SERPINB7: variants seen among roughly 807,000 people sequenced by gnomAD.
SERPINB7 encodes serpin family B member 7.
Under a neutral mutation model 37.4 loss-of-function variants are expected in SERPINB7, and 31 were observed. The ratio of observed to expected loss-of-function variants is 0.83; its 90% CI spans 0.62 to 1.12. SERPINB7 has a LOEUF of 1.12. Among genes scored for constraint, SERPINB7 ranks in the 50% most tolerant of loss-of-function variants. The probability of loss-of-function intolerance (pLI) is 0.00; values close to 1 mark genes in which losing one functional copy is unlikely to be tolerated. For synonymous variants in SERPINB7, 163 were observed against 166.1 expected, an observed-to-expected ratio of 0.98 and a Z score of 0.14; for missense variants, 521 against 455.3, an observed-to-expected ratio of 1.14 and a Z score of -1.31.
chr18:63,764,486 T>C (rs2049170184), intron 1 of SERPINB7, among the ~76,000 whole-genome samples: 1 of 152,142 alleles, frequency 6.6e-6, no homozygotes, highest in Admixed American at 6.5e-5. Flanking sequence ...CTCACTCATC[T>C]CTCAGGAGGG....
At chr18:63,800,507 A>G (rs541629542) in intron 6 of SERPINB7, among the ~76,000 whole-genome samples, 1 of 152,332 alleles carries the variant, frequency 6.6e-6, no homozygotes, top group Non-Finnish European at 1.5e-5. Flanking sequence ...TACTAAGTAC[A>G]AGGCAATGTT....
chr18:63,782,454 G>A lies in SERPINB7; in HGVS notation c.82G>A (p.Val28Met), dbSNP rs1445330472. The change falls in exon 2 of 8, where the codon GTG (valine) becomes ATG (methionine). Residue 28 changes from valine to methionine, a missense_variant. Physicochemically the swap from Val to Met is conservative, Grantham distance 21. Transcript: ENST00000398019. The stretch of plus-strand genomic sequence containing the variant: ...GGATGACAATCAAGGAAATGGAAAT[G>A]TGTTCTTTTCCTCTCTGAGCCTCTT... ...EMDDNQGNGN[V>M]FFSSLSLFAA... is the part of the protein sequence containing the mutation. 3 of 1,614,194 alleles carry A rather than the reference G, an allele frequency of 1.9e-6. No individual in the cohort carries two copies. The highest frequency in any genetic ancestry group is 2.2e-5 in the East Asian group (1 of 44,890).
rs1293395763 is a variant in SERPINB7 at position 63,805,072 on chromosome 18, A to G, written c.*437A>G. 6.3e-6 allele frequency: 1 copy of G among 158,144 alleles called. No individual in the cohort carries two copies. Among genetic ancestry groups the G allele is most frequent in the African/African-American group, 2.4e-5 (1 of 41,540 alleles). 9.8% of individuals were successfully genotyped at this position (158,144 alleles called of 1,614,324 possible). On this transcript the variant is annotated 3_prime_UTR_variant, in exon 8 of 8. Transcript: ENST00000398019. ...TTCTAGAAATAAGTGTGAAGGATAAATTTTCTTTGTTGACCTATGAAGATT... is the reference window on the plus strand; with the variant it reads ...TTCTAGAAATAAGTGTGAAGGATAAGTTTTCTTTGTTGACCTATGAAGATT...
intron 2 of SERPINB7, among the ~76,000 whole-genome samples, chr18:63,791,415 T>C (rs912561212): frequency 3.3e-5 from 5 of 152,094 alleles, no homozygotes; most frequent in Non-Finnish European, 7.4e-5. Context: ...TGGTGGGAAA[T>C]GTTGATAGGT....
chr18:63,757,986 A>G (rs2049131163), intron 1 of SERPINB7, among the ~76,000 whole-genome samples: 1 of 152,194 alleles, frequency 6.6e-6, no homozygotes, highest in Non-Finnish European at 1.5e-5. Context: ...CTTCCATTTT[A>G]ATAAGCATTT....
intron 1 of SERPINB7, among the ~76,000 whole-genome samples, chr18:63,775,981 C>G (rs1012828870): frequency 6.6e-6 from 1 of 152,038 alleles, no homozygotes; most frequent in Non-Finnish European, 1.5e-5. Flanking sequence ...CTTCCTTGGG[C>G]CATGTCAGTC....
At chr18:63,781,582 A>T (rs1342823870) in intron 1 of SERPINB7, among the ~76,000 whole-genome samples, 3 of 152,210 alleles carry the variant, frequency 2.0e-5, no homozygotes, top group African/African-American at 7.2e-5. Flanking sequence ...TGCAAAAAAA[A>T]TTACCCAAGT....
chr18:63,784,605 T>A (rs1308735344), intron 2 of SERPINB7, among the ~76,000 whole-genome samples: 2 of 152,204 alleles, frequency 1.3e-5, no homozygotes, highest in African/African-American at 4.8e-5. Context: ...CCAAGTGAGA[T>A]GATTTGGTAT....
At chr18:63,769,615 T>C (rs2049198968) in intron 1 of SERPINB7, among the ~76,000 whole-genome samples, 1 of 152,156 alleles carries the variant, frequency 6.6e-6, no homozygotes, top group South Asian at 2.1e-4. Flanking sequence ...GCAATGGTTT[T>C]AATGATAATT....
In SERPINB7 at chr18:63,804,240, G is replaced by A. The variant is rs375612875; in HGVS notation, c.748G>A (p.Glu250Lys). Residue 250 changes from glutamate to lysine, a missense_variant, in exon 8 of 8, where the codon GAA becomes AAA. Glu to Lys is a moderately conservative substitution (Grantham distance 56). Coordinates refer to ENST00000398019, the MANE Select transcript of SERPINB7 (RefSeq NM_003784.4). ...LLPENDLSEI[E>K]NKLTFQNLME... The stretch of plus-strand genomic sequence containing the variant: ...TATCTCTGAATTATTTTTACAGATT[G>A]AAAACAAACTGACCTTTCAGAATCT... The A allele has an allele frequency of 2.1e-5, 33 of 1,544,568 alleles. No individual in the cohort carries two copies. Among genetic ancestry groups the A allele is most frequent in the Non-Finnish European group, 2.7e-5 (31 of 1,150,510 alleles).
chr18:63,755,820 G>A (rs919229274), intron 1 of SERPINB7, among the ~76,000 whole-genome samples: 2 of 152,162 alleles, frequency 1.3e-5, no homozygotes, highest in Non-Finnish European at 2.9e-5. Context: ...CTTGAACCCA[G>A]AAGTTTGAGG....
chr18:63,774,847 A>C (rs141185909), upstream of SERPINB7, among the ~76,000 whole-genome samples: 291 of 152,250 alleles, frequency 1.9e-3, no homozygotes, highest in African/African-American at 6.7e-3. Flanking sequence ...TCCAAGCCAG[A>C]GAAAATTGAG....
upstream of SERPINB7, among the ~76,000 whole-genome samples, chr18:63,774,462 T>C (rs1383666690): frequency 1.3e-5 from 2 of 152,018 alleles, no homozygotes; most frequent in Non-Finnish European, 2.9e-5. Flanking sequence ...CAGGTGAAGG[T>C]AGGTGCAACA....
intron 1 of SERPINB7, among the ~76,000 whole-genome samples, chr18:63,753,456 G>T (rs2049103539): frequency 6.6e-6 from 1 of 152,116 alleles, no homozygotes; most frequent in Non-Finnish European, 1.5e-5. Context: ...ACTGACGGCT[G>T]AATAGACCCC....
At chr18:63,783,235 A>AAAGAAAGAAAGAAAGAAAGAAAG (rs2049328671) in intron 2 of SERPINB7, among the ~76,000 whole-genome samples, 1 of 69,114 alleles carries the variant, frequency 1.4e-5, no homozygotes, top group African/African-American at 4.4e-5. Flanking sequence ...AGAGAGAGAG[A>AAAGAAAGAAAGAAAGAAAGAAAG]AAGAAAGAAA....
chr18:63,781,636 C>A (rs1004013909), intron 1 of SERPINB7, among the ~76,000 whole-genome samples: 3 of 152,180 alleles, frequency 2.0e-5, no homozygotes, highest in Non-Finnish European at 4.4e-5. Flanking sequence ...GTCTGTATTG[C>A]AGAAACAACA....
chr18:63,794,085 A>G (rs2049458820), intron 4 of SERPINB7, among the ~76,000 whole-genome samples: 1 of 146,968 alleles, frequency 6.8e-6, no homozygotes, highest in Admixed American at 6.8e-5. Context: ...CTGGGATTAC[A>G]GGCACGTGCC....
intron 4 of SERPINB7, among the ~76,000 whole-genome samples, chr18:63,795,576 T>TAAAAAAAAAAAAA (rs5825537): frequency 8.6e-6 from 1 of 115,782 alleles, no homozygotes; most frequent in Admixed American, 8.7e-5. Context: ...AAAAAAGAAT[T>TAAAAAAAAAAAAA]AAAAAAAAAA....
Position 63,757,600 on chromosome 18 carries a change from T to C in SERPINB7, c.-19+4480T>C, listed in dbSNP as rs141699829. 6.2e-3 allele frequency among the ~76,000 whole-genome samples: 952 copies of C among 152,326 alleles called. 16 individuals carry two copies. The highest frequency in any genetic ancestry group is 0.022 in the African/African-American group (903 of 41,572). On this transcript the variant is annotated intron_variant, in intron 1 of 7. Coordinates refer to the SERPINB7 transcript ENST00000336429. Reference sequence around the variant, plus strand: ...TTTATTGAAACACAGCCATGTCTATTTGCTTACATATTTCCTATGTCTGCT... The same window carrying C: ...TTTATTGAAACACAGCCATGTCTATCTGCTTACATATTTCCTATGTCTGCT...
Sources: allele counts gnomAD v4.1 joint callset (sites outside exome capture counted in the v4.1 genomes callset), GRCh38; gene constraint gnomAD v4.1.1; transcripts MANE v1.5; gene names NCBI Gene and HGNC (gene_info 2026-07-23, HGNC 2026-07-21).